Variants in CARMIL1 observed in about 807,000 individuals in gnomAD.
CARMIL1 encodes capping protein regulator and myosin 1 linker 1, also known as F-actin-uncapping protein LRRC16A.
CARMIL1 carries 90 observed loss-of-function variants against 177.1 expected under a neutral mutation model. The observed-to-expected ratio is 0.51, with a 90% confidence interval of 0.43 to 0.61. CARMIL1 has a LOEUF of 0.61. Among genes scored for constraint, CARMIL1 ranks in the 20% least tolerant of loss-of-function variants. The probability of loss-of-function intolerance (pLI) is 0.00; values close to 1 mark genes in which losing one functional copy is unlikely to be tolerated. For missense variants in CARMIL1, 1,380 were observed against 1,667.0 expected (o/e 0.83, Z 3.00); for synonymous variants, 577 against 606.2 (o/e 0.95, Z 0.71).
At chr6:25,372,839 G>A in intron 2 of CARMIL1, among the ~76,000 whole-genome samples, 1 of 152,116 alleles carries the variant, frequency 6.6e-6, no homozygotes, top group East Asian at 1.9e-4. Flanking sequence ...AAGGGCAATG[G>A]TTTCAACTTT....
chr6:25,423,026 G>T (rs188174128), intron 3 of CARMIL1, among the ~76,000 whole-genome samples: 1 of 152,276 alleles, frequency 6.6e-6, no homozygotes, highest in African/African-American at 2.4e-5. Context: ...TGATCTGCTT[G>T]CAGCTTTGCC....
intron 2 of CARMIL1, among the ~76,000 whole-genome samples, chr6:25,394,465 T>G (rs1581790501): frequency 6.6e-6 from 1 of 152,366 alleles, no homozygotes; most frequent in African/African-American, 2.4e-5. Context: ...AAGCCTTGTT[T>G]GTTTGCTTGC....
chr6:25,450,008 T>C lies in CARMIL1; in HGVS notation c.469+13T>C. ...CAGGGCCCCTGTGGTGAGCATGCAT[T>C]TTAAAACTGAAATGTGAATAGCTGG... On this transcript the variant is annotated intron_variant, in intron 6 of 36. Coordinates refer to ENST00000329474, the MANE Select transcript of CARMIL1 (RefSeq NM_017640.6). 1.3e-6 allele frequency: 2 copies of C among 1,587,124 alleles called. No individual in the cohort carries two copies. Among genetic ancestry groups the C allele is most frequent in the Non-Finnish European group, 1.7e-6 (2 of 1,167,684 alleles).
In CARMIL1 at chr6:25,527,752, T is replaced by G. The variant is rs890679374; in HGVS notation, c.1969-1043T>G. 5 of 412,226 alleles carry G rather than the reference T, an allele frequency of 1.2e-5. No individual in the cohort carries two copies. In the Admixed American group the frequency reaches 1.6e-4, roughly 13 times the overall value. 25.5% of individuals were successfully genotyped at this position (412,226 alleles called of 1,614,324 possible). ...AAGGTACATTTTGTTCTGCTTTATA[T>G]TTTCAAGGGATCGTAATTATAGTCT... On this transcript the variant is annotated intron_variant, in intron 23 of 36. Coordinates refer to ENST00000329474, the MANE Select transcript of CARMIL1 (RefSeq NM_017640.6).
chr6:25,360,811 A>G (rs1208282743), intron 2 of CARMIL1, among the ~76,000 whole-genome samples: 1 of 152,214 alleles, frequency 6.6e-6, no homozygotes, highest in Non-Finnish European at 1.5e-5. Context: ...AGGAATGAAT[A>G]TGCTGACAGC....
intron 13 of CARMIL1, among the ~76,000 whole-genome samples, chr6:25,490,697 TA>T (rs1582130475): frequency 1.7e-5 from 2 of 118,140 alleles, no homozygotes; most frequent in African/African-American, 6.1e-5. Flanking sequence ...GACCCTGTCT[TA>T]AAATAAATAA....
chr6:25,387,134 T>G (rs1194557544), intron 2 of CARMIL1, among the ~76,000 whole-genome samples: 2 of 78,616 alleles, frequency 2.5e-5, no homozygotes, highest in African/African-American at 5.4e-5. Flanking sequence ...AAAAAAAAAA[T>G]CACAACAGAC....
chr6:25,598,751 G>T (rs558332985), intron 32 of CARMIL1, among the ~76,000 whole-genome samples: 43 of 152,274 alleles, frequency 2.8e-4, no homozygotes, highest in Admixed American at 2.7e-3. Context: ...AGGAATGGGG[G>T]CACCGAAGAG....
rs184964852 is a variant in CARMIL1, at chr6:25,565,286, T to C, written c.2742+8436T>C. ...TAAGGTAGCAAGCAGCCACCAAAGG[T>C]GAGGAAGCTGTAAGATGGGCTAGGT... On this transcript the variant is annotated intron_variant, in intron 29 of 36. Transcript: ENST00000329474. Among the ~76,000 whole-genome samples, 3 of 152,248 alleles carry C rather than the reference T, an allele frequency of 2.0e-5. No individual in the cohort carries two copies. In the East Asian group the frequency reaches 5.8e-4, roughly 29 times the overall value.
chr6:25,458,089 G>A (rs1471963235), intron 8 of CARMIL1, among the ~76,000 whole-genome samples: 2 of 152,120 alleles, frequency 1.3e-5, no homozygotes, highest in African/African-American at 4.8e-5. Flanking sequence ...TAGTCATACA[G>A]ATCAGAAAGA....
At chr6:25,337,892 A>G (rs137908786) in intron 2 of CARMIL1, among the ~76,000 whole-genome samples, 108 of 152,318 alleles carry the variant, frequency 7.1e-4, no homozygotes, top group African/African-American at 2.5e-3. Context: ...AAAAGGTGTT[A>G]GTGGCCGGGC....
Position 25,581,321 on chromosome 6 carries a change from A to G in CARMIL1, c.2888A>G (p.Gln963Arg), listed in dbSNP as rs577841728. ...IEDPPFPSLR[Q>R]EKRSSGFISE... ...GACCCGCCCTTCCCATCCCTCAGAC[A>G]GGAGAAGCGGAGCTCGGGATTTATC... The change falls in exon 31 of 37, where the codon CAG becomes CGG. Residue 963 changes from glutamine (Q) to arginine (R), a missense_variant. Physicochemically the swap from Gln to Arg is conservative, Grantham distance 43 (BLOSUM62 1). Coordinates refer to ENST00000329474, the MANE Select transcript of CARMIL1 (RefSeq NM_017640.6). The G allele has an allele frequency of 1.2e-6, 2 of 1,613,898 alleles. No individual in the cohort carries two copies. The highest frequency in any genetic ancestry group is 1.7e-5 in the Admixed American group (1 of 60,012).
intron 32 of CARMIL1, among the ~76,000 whole-genome samples, chr6:25,596,475 A>G (rs1169566412): frequency 3.9e-5 from 6 of 152,156 alleles, no homozygotes; most frequent in East Asian, 1.9e-4. Flanking sequence ...CCCACTCCCT[A>G]TTCCCCAGAG....
chr6:25,400,533 C>T (rs555111586), intron 2 of CARMIL1, among the ~76,000 whole-genome samples: 17 of 152,208 alleles, frequency 1.1e-4, no homozygotes, highest in African/African-American at 4.1e-4. Context: ...TATATCCATC[C>T]CCCCACCAGC....
intron 26 of CARMIL1, among the ~76,000 whole-genome samples, chr6:25,540,514 G>A (rs550473803): frequency 3.2e-4 from 48 of 152,144 alleles, no homozygotes; most frequent in Admixed American, 7.2e-4. Flanking sequence ...GAAAGACTAG[G>A]AAAGGTATTT....
intron 26 of CARMIL1, among the ~76,000 whole-genome samples, chr6:25,544,857 G>C (rs1296533220): frequency 6.6e-6 from 1 of 152,136 alleles, no homozygotes; most frequent in Non-Finnish European, 1.5e-5. Flanking sequence ...GTTAGTTAAA[G>C]CAATCCAAGG....
At chr6:25,500,296 T>C (rs1804183542) in intron 17 of CARMIL1, 61 bp downstream of exon 17, 2 of 1,435,086 alleles carry the variant, frequency 1.4e-6, no homozygotes, top group Non-Finnish European at 2.0e-6. Flanking sequence ...TTTGCCTTTT[T>C]CCTGGATAAA....
chr6:25,358,900 T>C (rs1788900566), intron 2 of CARMIL1, among the ~76,000 whole-genome samples: 2 of 152,208 alleles, frequency 1.3e-5, no homozygotes, highest in African/African-American at 4.8e-5. Context: ...AATGAAGGCA[T>C]TGCACTGTAG....
Position 25,500,173 on chromosome 6 carries a change from T to A in CARMIL1, c.1333T>A (p.Leu445Ile). Residue 445 changes from leucine (L) to isoleucine (I), a missense_variant, in exon 17 of 37, where the codon TTA becomes ATA. By Grantham distance (5) the Leu-to-Ile change is conservative (BLOSUM62 2). Transcript: ENST00000329474. ...KLSPEPLKAL[L>I]LGLACNHNLK... The stretch of plus-strand genomic sequence containing the variant: ...TGTGTTTCCTCCCCTCAGAGCACTG[T>A]TATTGGGCCTGGCTTGTAATCATAA... The A allele has an allele frequency of 6.2e-7, 1 of 1,613,900 alleles. No individual in the cohort carries two copies. Among genetic ancestry groups the A allele is most frequent in the Non-Finnish European group, 8.5e-7 (1 of 1,179,828 alleles).
Sources: allele counts gnomAD v4.1 joint callset (sites outside exome capture counted in the v4.1 genomes callset), GRCh38; gene constraint gnomAD v4.1.1; transcripts MANE v1.5; gene names NCBI Gene and HGNC (gene_info 2026-07-23, HGNC 2026-07-21).